The following ESRP1 variants were observed in gnomAD, a reference collection of about 807,000 sequenced individuals.
ESRP1 encodes RNA-binding motif protein 35A.
Under a neutral mutation model 81.7 loss-of-function variants are expected in ESRP1, and 33 were observed. That is an observed-to-expected ratio of 0.40 (90% CI 0.31 to 0.54). ESRP1 has a LOEUF of 0.54. Ranked by LOEUF, ESRP1 falls within the 20% of genes least tolerant of loss-of-function variation. The pLI is 0.41. For missense variants in ESRP1, 672 were observed against 833.1 expected (o/e 0.81, Z 2.38); for synonymous variants, 320 against 303.3 (o/e 1.06, Z -0.57).
chr8:94,704,912 G>T (rs887861079), intron 15 of ESRP1, among the ~76,000 whole-genome samples: 2 of 151,880 alleles, frequency 1.3e-5, no homozygotes, highest in Non-Finnish European at 2.9e-5. Context: ...AGGTTGTATG[G>T]TATATAAGTA....
chr8:94,648,239 AG>A, intron 4 of ESRP1, among the ~76,000 whole-genome samples: 1 of 152,308 alleles, frequency 6.6e-6, no homozygotes, highest in East Asian at 1.9e-4. Flanking sequence ...CCTGGGTAAC[AG>A]AGCAAGACCC....
chr8:94,664,584 T>A, intron 6 of ESRP1, 113 bp from the exon 7 acceptor site: 2 of 746,986 alleles, frequency 2.7e-6, no homozygotes, highest in Admixed American at 4.7e-5. Flanking sequence ...TGCTAGTCTG[T>A]CTGAACACCA....
Position 94,705,970 on chromosome 8 carries a change from A to G in ESRP1, c.*81A>G, listed in dbSNP as rs1810057931. ...ATCTTGAAACCTCCAGACACAAGAA[A>G]ACTTCTAGCAAATTCAGGGGAAGTT... On this transcript the variant is annotated 3_prime_UTR_variant, in exon 16 of 16. Coordinates refer to ENST00000433389, the MANE Select transcript of ESRP1 (RefSeq NM_017697.4). 1.3e-6 allele frequency: 2 copies of G among 1,523,180 alleles called. No homozygotes were observed. Among genetic ancestry groups the G allele is most frequent in the Non-Finnish European group, 1.8e-6 (2 of 1,139,358 alleles). The allele number at this position is 1,523,180 out of a possible 1,614,324, so 94.4% of individuals were successfully genotyped here.
intron 4 of ESRP1, among the ~76,000 whole-genome samples, chr8:94,653,768 G>A (rs571137825): frequency 5.3e-5 from 8 of 151,776 alleles, no homozygotes; most frequent in South Asian, 2.1e-4. Flanking sequence ...GGCAAACACC[G>A]AATCCTCATT....
intron 4 of ESRP1, among the ~76,000 whole-genome samples, chr8:94,651,987 C>CTTTTTTTTTTTTTT (rs35903773): frequency 4.6e-5 from 3 of 65,210 alleles, no homozygotes; most frequent in African/African-American, 7.2e-5. Context: ...TCTAAAACGC[C>CTTTTTTTTTTTTTT]TTTTTTTTTT....
chr8:94,694,572 C>G (rs1210576337), intron 14 of ESRP1, among the ~76,000 whole-genome samples: 1 of 152,222 alleles, frequency 6.6e-6, no homozygotes, highest in African/African-American at 2.4e-5. Context: ...GCACTGCACT[C>G]CAGCCTGGGT....
chr8:94,653,009 G>A lies in ESRP1; in HGVS notation c.490+6727G>A, dbSNP rs146380757. Among the ~76,000 whole-genome samples the A allele has an allele frequency of 1.3e-3, 200 of 152,066 alleles. No homozygotes were observed. The East Asian group carries it at 0.034, about 26-fold the overall frequency. On this transcript the variant is annotated intron_variant, in intron 4 of 15. Transcript: ENST00000433389. ...TTAAGTTAATATCCTGTGTTTCCTC[G>A]GCACATATCAAACCATTAAAGCAGT...
intron 4 of ESRP1, among the ~76,000 whole-genome samples, chr8:94,651,970 T>A (rs1421380502): frequency 1.3e-5 from 2 of 150,682 alleles, no homozygotes; most frequent in African/African-American, 4.9e-5. Context: ...TTTGTCTTTG[T>A]ATTTGTTCTA....
intron 13 of ESRP1, among the ~76,000 whole-genome samples, chr8:94,679,902 A>G (rs1808806450): frequency 6.6e-6 from 1 of 152,164 alleles, no homozygotes; most frequent in Admixed American, 6.6e-5. Flanking sequence ...ACTTCTGTGT[A>G]TATTTACCTC....
chr8:94,667,963 G>A lies in ESRP1; in HGVS notation c.946G>A (p.Val316Ile). The change falls in exon 10 of 16, where the codon GTA (valine) becomes ATA (isoleucine). Residue 316 changes from valine (V) to isoleucine (I), a missense_variant. Physicochemically the swap from Val to Ile is conservative, Grantham distance 29. Coordinates refer to ENST00000433389, the MANE Select transcript of ESRP1 (RefSeq NM_017697.4). Reference sequence around the variant, plus strand: ...GTTTTCCCTAGGTACTTCCAATGAGGTAGCCCAGTTTCTCTCCAAGGAAAA... The same window carrying A: ...GTTTTCCCTAGGTACTTCCAATGAGATAGCCCAGTTTCTCTCCAAGGAAAA... ...LKIAGGTSNE[V>I]AQFLSKENQV... 6.3e-7 allele frequency: 1 copy of A among 1,597,960 alleles called. No homozygotes were observed. Among genetic ancestry groups the A allele is most frequent in the Non-Finnish European group, 8.5e-7 (1 of 1,170,634 alleles).
Position 94,706,012 on chromosome 8 carries a change from G to GAAAATA in ESRP1, c.*123_*124insAAAATA. ...GGGGAAGTTTGTCTACACTCAGGCTGCAGTATTTTCAGCAAACTTGATTGG... is the reference window on the plus strand; with the variant it reads ...GGGGAAGTTTGTCTACACTCAGGCTGAAAATACAGTATTTTCAGCAAACTTGATTGG... On this transcript the variant is annotated 3_prime_UTR_variant, in exon 16 of 16. Coordinates refer to ENST00000433389, the MANE Select transcript of ESRP1 (RefSeq NM_017697.4). 2 of 1,445,504 alleles carry GAAAATA rather than the reference G, an allele frequency of 1.4e-6. No individual in the cohort carries two copies. The highest frequency in any genetic ancestry group is 1.9e-6 in the Non-Finnish European group (2 of 1,076,586). The allele number at this position is 1,445,504 out of a possible 1,614,324, so 89.5% of individuals were successfully genotyped here.
rs1388658069 is a variant in ESRP1 at position 94,707,304 on chromosome 8, CACTTAAGATCGAAAAGAAATTTCTGTAT to C, written c.*1420_*1447del. The C allele has an allele frequency of 6.6e-6, 1 of 152,018 alleles. No homozygotes were observed. Among genetic ancestry groups the C allele is most frequent in the African/African-American group, 2.4e-5 (1 of 41,404 alleles). The allele number at this position is 152,018 out of a possible 1,614,324, so 9.4% of individuals were successfully genotyped here. On this transcript the variant is annotated 3_prime_UTR_variant, in exon 16 of 16. Transcript: ENST00000433389. ...TTGTGTGAAAATTGGTGATAACTGG[CACTTAAGATCGAAAAGAAATTTCTGTAT>C]ACTTGATGCCTTAAGATGCCCAAAG...
At chr8:94,660,745 C>CAAAAAAAAA (rs1563525328) in intron 4 of ESRP1, among the ~76,000 whole-genome samples, 1 of 73,908 alleles carries the variant, frequency 1.4e-5, no homozygotes. Flanking sequence ...AAAAAAAAAC[C>CAAAAAAAAA]AAAACAAACA....
In ESRP1 at chr8:94,696,868, G is replaced by T; in HGVS notation, c.1988G>T (p.Gly663Val). 5 of 1,593,374 alleles carry T rather than the reference G, an allele frequency of 3.1e-6. No individual in the cohort carries two copies. Among genetic ancestry groups the T allele is most frequent in the East Asian group, 2.2e-5 (1 of 44,536 alleles). The change falls in exon 15 of 16, where the codon GGA (glycine) becomes GTA (valine). Residue 663 changes from glycine to valine, a missense_variant. Transcript: ENST00000433389. ...FQGYQYATED[G>V]LIHTNDQART... Reference sequence around the variant, plus strand: ...GCATTTTAGTATGCAACCGAGGATGGACTTATACACACAAATGACCAGGCC... The same window carrying T: ...GCATTTTAGTATGCAACCGAGGATGTACTTATACACACAAATGACCAGGCC...
chr8:94,648,014 C>T (rs148253137), intron 4 of ESRP1, among the ~76,000 whole-genome samples: 32 of 151,966 alleles, frequency 2.1e-4, no homozygotes, highest in Admixed American at 1.0e-3. Flanking sequence ...TTTTAACAAA[C>T]GAAAAAGATA....
At chr8:94,695,070 T>G (rs896771069) in intron 14 of ESRP1, among the ~76,000 whole-genome samples, 1 of 152,194 alleles carries the variant, frequency 6.6e-6, no homozygotes, top group African/African-American at 2.4e-5. Flanking sequence ...GAAGAGTACA[T>G]GCCTTCTTGT....
chr8:94,646,260 G>A lies in ESRP1; in HGVS notation c.468G>A (p.Leu156=), dbSNP rs1817845725. Residue 156 remains leucine (L), a synonymous_variant, in exon 4 of 16, where the codon CTG becomes CTA. Transcript: ENST00000433389. ...CCPGSPDIDK[L]DVATMTEYLN... is the part of the protein sequence containing the mutation. ...CTGGTTCACCTGATATTGACAAACTGGACGTTGCCACAATGACAGAGTGTA... is the reference window on the plus strand; with the variant it reads ...CTGGTTCACCTGATATTGACAAACTAGACGTTGCCACAATGACAGAGTGTA... 6.2e-7 allele frequency: 1 copy of A among 1,609,702 alleles called. No individual in the cohort carries two copies. The highest frequency in any genetic ancestry group is 1.3e-5 in the African/African-American group (1 of 74,862).
At chr8:94,641,710 C>T (rs1340371846) in intron 1 of ESRP1, 3 of 741,010 alleles carry the variant, frequency 4.0e-6, no homozygotes, top group African/African-American at 1.8e-5. Flanking sequence ...TCGGGGGACG[C>T]TCCGCCGAGA....
At chr8:94,696,665 T>G (rs1370641116) in intron 14 of ESRP1, among the ~76,000 whole-genome samples, 187 bp from the exon 15 acceptor site, 1 of 152,230 alleles carries the variant, frequency 6.6e-6, no homozygotes, top group Non-Finnish European at 1.5e-5. Flanking sequence ...AAGGGACTTT[T>G]ATGGTATTTA....
Sources: allele counts gnomAD v4.1 joint callset (sites outside exome capture counted in the v4.1 genomes callset), GRCh38; gene constraint gnomAD v4.1.1; transcripts MANE v1.5; gene names NCBI Gene and HGNC (gene_info 2026-07-23, HGNC 2026-07-21).